Variants in SUSD4 observed in about 807,000 individuals in gnomAD.
SUSD4 encodes the protein sushi domain-containing protein 4.
In SUSD4, 41 loss-of-function variants were observed where a neutral mutation model predicts 50.5. The observed-to-expected ratio is 0.81, with a 90% CI of 0.63 to 1.05. The LOEUF is 1.05. SUSD4 is among the 50% of genes least tolerant of loss of function. SUSD4 has a pLI of 0.00. For missense variants in SUSD4, 580 were observed against 634.7 expected (o/e 0.91, Z 0.93); for synonymous variants, 257 against 257.3 (o/e 1.00, Z 0.01).
intron 5 of SUSD4, chr1:223,235,083 G>C (rs1258237760): frequency 1.2e-6 from 2 of 1,604,500 alleles, no homozygotes; most frequent in Non-Finnish European, 1.7e-6. Context: ...ACAGGGAAAA[G>C]ATGTTCAGGT....
At chr1:223,289,958 T>C (rs190532256) in intron 3 of SUSD4, among the ~76,000 whole-genome samples, 10 of 152,328 alleles carry the variant, frequency 6.6e-5, no homozygotes, top group African/African-American at 1.9e-4. Context: ...CTTAACAAAG[T>C]GAGTGAGCCT....
At chr1:223,252,274 C>T (rs2103045161) in intron 5 of SUSD4, among the ~76,000 whole-genome samples, 1 of 144,704 alleles carries the variant, frequency 6.9e-6, no homozygotes, top group East Asian at 2.0e-4. Context: ...AGAGGCGAGA[C>T]ACACAGAGGG....
chr1:223,253,769 G>C (rs912486179), intron 5 of SUSD4, among the ~76,000 whole-genome samples: 2 of 152,196 alleles, frequency 1.3e-5, no homozygotes, highest in African/African-American at 2.4e-5. Flanking sequence ...AGCAGGGATA[G>C]AGAAGATACT....
chr1:223,327,772 C>G (rs1211357787), intron 2 of SUSD4, among the ~76,000 whole-genome samples: 1 of 152,234 alleles, frequency 6.6e-6, no homozygotes, highest in Admixed American at 6.5e-5. Flanking sequence ...CACCTTGGGC[C>G]AGGTGCCATC....
chr1:223,229,444 A>C lies in SUSD4; in HGVS notation c.725-56T>G, dbSNP rs1409526573. 2.0e-6 allele frequency: 3 copies of C among 1,512,080 alleles called. No homozygotes were observed. Among genetic ancestry groups the C allele is most frequent in the Non-Finnish European group, 2.7e-6 (3 of 1,111,450 alleles). The allele number at this position is 1,512,080 out of a possible 1,614,324, so 93.7% of individuals were successfully genotyped here. On this transcript the variant is annotated intron_variant, in intron 5 of 8. Transcript: ENST00000366878. The surrounding 1 kb of genome is among the most constrained non-coding windows in gnomAD (Gnocchi z 4.7). ...GAACCACAAGCTCACCTTTGTCTGA[A>C]GCCCCTAAGACGAAGAATGGCCTAG...
intron 5 of SUSD4, among the ~76,000 whole-genome samples, chr1:223,252,561 C>CTT (rs962535603): frequency 6.6e-6 from 1 of 152,162 alleles, no homozygotes; most frequent in African/African-American, 2.4e-5. Context: ...GGCTTCCCAG[C>CTT]TTCCTGAACA....
chr1:223,278,731 C>A (rs1663462142), intron 3 of SUSD4, among the ~76,000 whole-genome samples: 1 of 152,220 alleles, frequency 6.6e-6, no homozygotes, highest in African/African-American at 2.4e-5. Flanking sequence ...GTTCTCCCAG[C>A]ACGGAGTTTG....
At chr1:223,270,797 G>C (rs1662863769) in intron 3 of SUSD4, among the ~76,000 whole-genome samples, 1 of 152,138 alleles carries the variant, frequency 6.6e-6, no homozygotes, top group Non-Finnish European at 1.5e-5. Context: ...TCGAACTCCT[G>C]ACCTCATGAT....
chr1:223,351,450 C>T (rs990505228), intron 2 of SUSD4, among the ~76,000 whole-genome samples: 1 of 152,216 alleles, frequency 6.6e-6, no homozygotes, highest in Non-Finnish European at 1.5e-5. Context: ...CAGACCATCT[C>T]CTAGGCTCTC....
chr1:223,234,478 A>G (rs1456230863), intron 5 of SUSD4, among the ~76,000 whole-genome samples: 1 of 152,136 alleles, frequency 6.6e-6, no homozygotes, highest in Non-Finnish European at 1.5e-5. Flanking sequence ...GTGTCTCTAG[A>G]GTTTTTCTAA....
intron 2 of SUSD4, among the ~76,000 whole-genome samples, chr1:223,313,244 G>A (rs1403533008): frequency 2.6e-5 from 4 of 152,236 alleles, no homozygotes; most frequent in Admixed American, 6.5e-5. Context: ...GACAAGGAGA[G>A]GGGGCATGCA....
intron 3 of SUSD4, among the ~76,000 whole-genome samples, chr1:223,291,488 CAAAAA>C (rs71572850): frequency 2.0e-5 from 1 of 49,548 alleles, no homozygotes; most frequent in Admixed American, 2.5e-4. Flanking sequence ...GACACTGTCT[CAAAAA>C]AAAAAAAAAA....
chr1:223,227,678 G>T lies in SUSD4; in HGVS notation c.977C>A (p.Thr326Lys). 1 of 1,613,584 alleles carries T rather than the reference G, an allele frequency of 6.2e-7. No homozygotes were observed. Among genetic ancestry groups the T allele is most frequent in the Non-Finnish European group, 8.5e-7 (1 of 1,179,822 alleles). ...LLTTWKIVAF[T>K]ATSVLLVLLL... ...CAGCACCAGCAGCACACTGGTTGCC[G>T]TGAACGCCACAATCTTCCACGTGGT... The change falls in exon 7 of 9, where the codon ACG (threonine) becomes AAG (lysine). Residue 326 changes from threonine (T) to lysine (K), a missense_variant. By Grantham distance (78) the Thr-to-Lys change is moderately conservative. Coordinates refer to ENST00000366878, the MANE Select transcript of SUSD4 (RefSeq NM_017982.4). The surrounding 1 kb of genome is among the most constrained non-coding windows in gnomAD (Gnocchi z 4.5).
chr1:223,224,059 A>G (rs1217429121), intron 7 of SUSD4, among the ~76,000 whole-genome samples: 2 of 152,240 alleles, frequency 1.3e-5, no homozygotes, highest in Non-Finnish European at 2.9e-5. Context: ...TTAAAAGTAC[A>G]GAAAATAGGT....
intron 5 of SUSD4, among the ~76,000 whole-genome samples, chr1:223,239,303 T>C (rs140742853): frequency 3.4e-4 from 52 of 152,212 alleles, no homozygotes; most frequent in African/African-American, 1.0e-3. Context: ...ACCATCTCTG[T>C]CTTTTAATCG....
At chr1:223,356,550 A>G (rs1668679171) in intron 2 of SUSD4, among the ~76,000 whole-genome samples, 2 of 152,186 alleles carry the variant, frequency 1.3e-5, no homozygotes, top group Non-Finnish European at 2.9e-5. Flanking sequence ...TGCTGGGATT[A>G]CCGGCATGAG....
chr1:223,322,916 T>G (rs1218267683), intron 2 of SUSD4, among the ~76,000 whole-genome samples: 1 of 152,218 alleles, frequency 6.6e-6, no homozygotes, highest in Non-Finnish European at 1.5e-5. Flanking sequence ...TTTACACAAT[T>G]ACAGCTAAGC....
intron 4 of SUSD4, among the ~76,000 whole-genome samples, chr1:223,268,011 T>TATATATATATA (rs1558196915): frequency 1.3e-4 from 1 of 7,664 alleles, no homozygotes; most frequent in Non-Finnish European, 2.5e-4. Flanking sequence ...TTCATGCATT[T>TATATATATATA]TTTATATATA....
At chr1:223,309,898 T>C (rs1287821988) in intron 2 of SUSD4, among the ~76,000 whole-genome samples, 2 of 152,212 alleles carry the variant, frequency 1.3e-5, no homozygotes, top group African/African-American at 4.8e-5. Context: ...GCTTACAGGG[T>C]TCCACATCAA....
Sources: gnomAD v4.1 joint callset for allele counts (sites outside exome capture counted in the v4.1 genomes callset) on GRCh38, gnomAD v4.1.1 for gene constraint, Gnocchi (gnomAD v3.1) non-coding constraint, MANE v1.5 for transcripts, NCBI Gene and HGNC (gene_info 2026-07-23, HGNC 2026-07-21) for gene names.